Variants in NRG1 observed in about 807,000 individuals in gnomAD.
NRG1 encodes neuregulin 1.
A neutral mutation model predicts 63.8 loss-of-function variants in NRG1; 18 were observed. That is an observed-to-expected ratio of 0.28 (90% CI 0.19 to 0.42). NRG1 has a LOEUF of 0.42. Ranked by LOEUF, NRG1 falls within the 10% of genes least tolerant of loss-of-function variation. The pLI, the probability that NRG1 is intolerant of heterozygous loss-of-function variation, is 1.00. For synonymous variants in NRG1, 302 were observed against 301.3 expected, an observed-to-expected ratio of 1.00 and a Z score of -0.02; for missense variants, 762 against 814.7, an observed-to-expected ratio of 0.94 and a Z score of 0.79.
intron 1 of NRG1, among the ~76,000 whole-genome samples, chr8:32,499,675 A>AAAAT (rs748670951): frequency 4.5e-4 from 68 of 152,252 alleles, no homozygotes; most frequent in East Asian, 1.4e-3. Context: ...TCCTGTCTTA[A>AAAAT]AAATAAATAA....
rs544546270 is a variant in NRG1 at position 31,826,487 on chromosome 8, C to T, written c.37+187056C>T. On this transcript the variant is annotated intron_variant, in intron 1 of 10. Coordinates refer to the NRG1 transcript ENST00000519301. ...ATGCCTTTGCTCCTCCTTCGTCTTC[C>T]GCCATAATTGTGAGGCCTCCCCAGC... Among the ~76,000 whole-genome samples the T allele has an allele frequency of 1.3e-4, 20 of 152,332 alleles. No individual in the cohort carries two copies. In the South Asian group the frequency reaches 2.1e-3, roughly 16 times the overall value.
intron 1 of NRG1, among the ~76,000 whole-genome samples, chr8:31,967,479 T>C (rs1806544520): frequency 2.0e-5 from 3 of 152,254 alleles, no homozygotes; most frequent in East Asian, 3.9e-4. Flanking sequence ...GGGATTATAA[T>C]AGGAATGGTC....
At chr8:31,675,447 C>T (rs2131023926) in intron 1 of NRG1, among the ~76,000 whole-genome samples, 1 of 152,340 alleles carries the variant, frequency 6.6e-6, no homozygotes, top group South Asian at 2.1e-4. Flanking sequence ...CTCAATACTT[C>T]TGCCCAGTCC....
intron 1 of NRG1, among the ~76,000 whole-genome samples, chr8:32,398,629 T>C (rs2129484451): frequency 6.6e-6 from 1 of 152,248 alleles, no homozygotes; most frequent in Non-Finnish European, 1.5e-5. Flanking sequence ...CAGGCTGGTC[T>C]TGAACCCCTG....
chr8:32,149,514 C>A (rs908055772), intron 1 of NRG1, among the ~76,000 whole-genome samples: 1 of 117,024 alleles, frequency 8.5e-6, no homozygotes, highest in Non-Finnish European at 2.1e-5. Flanking sequence ...CTGAACAAAT[C>A]ATTTAATACA....
chr8:32,108,157 A>G (rs1380290365), intron 1 of NRG1, among the ~76,000 whole-genome samples: 1 of 152,192 alleles, frequency 6.6e-6, no homozygotes, highest in Non-Finnish European at 1.5e-5. Context: ...CCTCACCCTC[A>G]TCCCCGAAAC....
At chr8:31,946,657 T>C (rs1244395401) in intron 1 of NRG1, among the ~76,000 whole-genome samples, 1 of 152,172 alleles carries the variant, frequency 6.6e-6, no homozygotes, top group Non-Finnish European at 1.5e-5. Context: ...TTTTCAGGTG[T>C]GACACTAGCC....
intron 1 of NRG1, among the ~76,000 whole-genome samples, chr8:32,437,907 T>C (rs1216945630): frequency 1.3e-5 from 2 of 152,202 alleles, no homozygotes; most frequent in Non-Finnish European, 1.5e-5. Flanking sequence ...AGATATTATG[T>C]TGTTTGTGGA....
At chr8:32,123,362 G>A (rs1833710254) in intron 1 of NRG1, among the ~76,000 whole-genome samples, 1 of 151,794 alleles carries the variant, frequency 6.6e-6, no homozygotes, top group South Asian at 2.1e-4. Context: ...TTATAAAGGG[G>A]AGTTCCCCTA....
chr8:32,730,532 C>A (rs187493825), intron 6 of NRG1, among the ~76,000 whole-genome samples: 1 of 152,182 alleles, frequency 6.6e-6, no homozygotes, highest in Non-Finnish European at 1.5e-5. Context: ...TTATCTCATA[C>A]GACTATGTTT....
intron 1 of NRG1, among the ~76,000 whole-genome samples, chr8:32,074,488 T>A (rs572939952): frequency 1.9e-4 from 29 of 152,320 alleles, no homozygotes; most frequent in Non-Finnish European, 3.4e-4. Context: ...ATGAAAGTTG[T>A]TTGAATTTTC....
chr8:32,321,581 C>G (rs1383241137), intron 1 of NRG1, among the ~76,000 whole-genome samples: 2 of 148,664 alleles, frequency 1.3e-5, no homozygotes, highest in Non-Finnish European at 3.0e-5. Flanking sequence ...GCTGGAAATA[C>G]TGGGAGGAGA....
At chr8:32,763,367 A>G (rs755447521) in intron 11 of NRG1, 2 of 1,613,104 alleles carry the variant, frequency 1.2e-6, no homozygotes, top group East Asian at 2.2e-5. Context: ...AAGGTATAGT[A>G]TTTAAGTAAT....
At chr8:32,468,916 A>T (rs1025256040) in intron 1 of NRG1, among the ~76,000 whole-genome samples, 3 of 152,178 alleles carry the variant, frequency 2.0e-5, no homozygotes, top group Non-Finnish European at 4.4e-5. Flanking sequence ...AAAGTCATTT[A>T]TTCATTCGAT....
intron 1 of NRG1, among the ~76,000 whole-genome samples, chr8:32,077,776 A>C (rs1420782160): frequency 6.6e-6 from 1 of 152,170 alleles, no homozygotes; most frequent in African/African-American, 2.4e-5. Flanking sequence ...GATGAAAACA[A>C]ATCTGACTAC....
chr8:32,192,720 C>A (rs943375225), intron 1 of NRG1, among the ~76,000 whole-genome samples: 2 of 151,990 alleles, frequency 1.3e-5, no homozygotes, highest in Non-Finnish European at 1.5e-5. Context: ...GCACATGTAC[C>A]AATGAATCTA....
chr8:32,212,843 A>C (rs913266544), intron 1 of NRG1, among the ~76,000 whole-genome samples: 1 of 152,156 alleles, frequency 6.6e-6, no homozygotes. Context: ...CTATATTCAT[A>C]TTTGAGATTA....
At chr8:32,694,412 A>G (rs897128944) in intron 5 of NRG1, among the ~76,000 whole-genome samples, 19 of 152,046 alleles carry the variant, frequency 1.2e-4, no homozygotes, top group South Asian at 8.3e-4. Flanking sequence ...TTGTGTTATT[A>G]CTAATATTTA....
intron 1 of NRG1, among the ~76,000 whole-genome samples, chr8:32,512,522 T>C (rs1165005479): frequency 6.6e-6 from 1 of 152,228 alleles, no homozygotes; most frequent in Non-Finnish European, 1.5e-5. Context: ...AATTATTATA[T>C]ACCAGACATT....
Sources: gnomAD v4.1 joint callset for allele counts (sites outside exome capture counted in the v4.1 genomes callset) on GRCh38, gnomAD v4.1.1 for gene constraint, MANE v1.5 for transcripts, NCBI Gene and HGNC (gene_info 2026-07-23, HGNC 2026-07-21) for gene names.